The following PFKFB4 variants were observed in gnomAD, a reference collection of about 807,000 sequenced individuals.
PFKFB4 encodes 6-phosphofructo-2-kinase/fructose-2,6-biphosphatase 4.
A neutral mutation model predicts 62.8 loss-of-function variants in PFKFB4; 42 were observed. That is an observed-to-expected ratio of 0.67 (90% CI 0.52 to 0.86). PFKFB4 has a LOEUF of 0.86. Among genes scored for constraint, PFKFB4 ranks in the 40% least tolerant of loss-of-function variants. PFKFB4 has a pLI of 0.00. For missense variants in PFKFB4, 475 were observed against 627.2 expected (o/e 0.76, Z 2.59); for synonymous variants, 204 against 240.7 (o/e 0.85, Z 1.41).
chr3:48,524,389 CCTT>C lies in PFKFB4; in HGVS notation c.1093-562_1093-560del, dbSNP rs534638760. On this transcript the variant is annotated intron_variant, in intron 10 of 13. Transcript: ENST00000232375. ...GTTTAGAGATTTTCATCAGTTTCAT[CCTT>C]CTGCACACAATGAGTGGTCCTTCAA... 7.9e-5 allele frequency among the ~76,000 whole-genome samples: 12 copies of C among 152,304 alleles called. No homozygotes were observed. The South Asian group carries it at 2.5e-3, about 32-fold the overall frequency.
intron 8 of PFKFB4, among the ~76,000 whole-genome samples, 188 bp from the exon 9 acceptor site, chr3:48,535,846 C>T (rs2042585688): frequency 6.6e-6 from 1 of 152,184 alleles, no homozygotes; most frequent in Non-Finnish European, 1.5e-5. Context: ...TCCTGTGCAC[C>T]CTCCCAGACC....
upstream of PFKFB4, chr3:48,559,475 A>G (rs1012622702): frequency 5.7e-5 from 26 of 456,310 alleles, no homozygotes; most frequent in East Asian, 1.6e-3. Context: ...TGCCTGCCAC[A>G]CTACAGTGGA....
rs137991047 is a variant in PFKFB4, at chr3:48,523,570, G to A, written c.1252C>T (p.His418Tyr). Residue 418 changes from histidine to tyrosine, a missense_variant, in exon 12 of 14, where the codon CAC (histidine) becomes TAC (tyrosine). By Grantham distance (83) the His-to-Tyr change is moderately conservative. Transcript: ENST00000232375. ...ACAGGAGTCAGCTTCAGGACTGTGT[G>A]CAGCGGACACTTGAGGTAGGGCAGC... ...EQLPYLKCPL[H>Y]TVLKLTPVAY... The A allele has an allele frequency of 2.0e-5, 33 of 1,614,140 alleles. No individual in the cohort carries two copies. The highest frequency in any genetic ancestry group is 2.0e-4 in the African/African-American group (15 of 75,050).
At chr3:48,563,089 C>T (rs757089177), upstream of PFKFB4, 1 of 1,611,612 alleles carries the variant, frequency 6.2e-7, no homozygotes, top group Non-Finnish European at 8.5e-7. This position sits in a 1 kb window ranked among gnomAD's most constrained non-coding sequence, Gnocchi z 4.5. Flanking sequence ...TGCCCAACAT[C>T]AGGACCATCA....
chr3:48,529,622 C>T (rs751438829), intron 9 of PFKFB4, among the ~76,000 whole-genome samples: 1 of 152,072 alleles, frequency 6.6e-6, no homozygotes, highest in Non-Finnish European at 1.5e-5. Flanking sequence ...ATAACCCCCA[C>T]CAAGCACAAA....
intron 1 of PFKFB4, among the ~76,000 whole-genome samples, chr3:48,555,890 T>C (rs368595848): frequency 1.7e-4 from 26 of 151,370 alleles, no homozygotes; most frequent in African/African-American, 6.1e-4. Flanking sequence ...CTTGGGCCAC[T>C]GAGCGAGACT....
intron 10 of PFKFB4, 32 bp downstream of exon 10, chr3:48,525,533 G>A: frequency 8.0e-7 from 1 of 1,243,144 alleles, no homozygotes; most frequent in Non-Finnish European, 1.1e-6. Context: ...CGGGCAGTAG[G>A]TGGCTGGGAC....
At chr3:48,551,219 T>TC (rs2043136566) in intron 1 of PFKFB4, among the ~76,000 whole-genome samples, 1 of 149,928 alleles carries the variant, frequency 6.7e-6, no homozygotes, top group African/African-American at 2.4e-5. Flanking sequence ...CTTTTCTTTT[T>TC]TTTTTTTTTT....
At position 48,535,807 on chromosome 3, in the gene PFKFB4, A is replaced by G. The variant is rs1025189546; in HGVS notation, c.841-149T>C. On this transcript the variant is annotated intron_variant, in intron 8 of 13. Coordinates refer to ENST00000232375, the MANE Select transcript of PFKFB4 (RefSeq NM_004567.4). ...ATGAACTAACTTGTCGATGACACAC[A>G]TGCTGACACACAAGAACACAAGTGC... 4.6e-6 allele frequency: 4 copies of G among 873,664 alleles called. No homozygotes were observed. The African/African-American group carries it at 5.0e-5, about 11-fold the overall frequency. 54.1% of individuals were successfully genotyped at this position (873,664 alleles called of 1,614,324 possible). A position where few individuals can be genotyped will look rare whatever the true frequency, so the allele number is the denominator to read the frequency against.
At chr3:48,522,694 A>G (rs2042133588) in intron 12 of PFKFB4, among the ~76,000 whole-genome samples, 2 of 152,108 alleles carry the variant, frequency 1.3e-5, no homozygotes, top group Non-Finnish European at 2.9e-5. Flanking sequence ...CCCCTCATGC[A>G]GGTAGGCAAT....
At position 48,541,992 on chromosome 3, in the gene PFKFB4, T is replaced by C. The variant is rs572362107; in HGVS notation, c.378+1588A>G. ...GAAATAAAAAACAACAACACTCATA[T>C]ACTTGTAAGATAATGTTGAAGAAGT... On this transcript the variant is annotated intron_variant, in intron 4 of 13. Coordinates refer to ENST00000232375, the MANE Select transcript of PFKFB4 (RefSeq NM_004567.4). Among the ~76,000 whole-genome samples, 4 of 152,112 alleles carry C rather than the reference T, an allele frequency of 2.6e-5. No homozygotes were observed. The South Asian group carries it at 8.3e-4, about 32-fold the overall frequency.
chr3:48,543,619 G>A lies in PFKFB4; in HGVS notation c.339C>T (p.Asp113=), dbSNP rs376752374. The stretch of plus-strand genomic sequence containing the variant: ...CCTCCTCACTAAGGAACCGCCGGAC[G>A]TCACGGAGGGCTGCCAGGGCACACT... The part of the protein sequence containing the change: ...RKQCALAALR[D]VRRFLSEEGG... The change falls in exon 4 of 14, where the codon GAC becomes GAT. Residue 113 remains aspartate, a synonymous_variant. Transcript: ENST00000232375. 3.3e-5 allele frequency: 54 copies of A among 1,612,136 alleles called. No individual in the cohort carries two copies. Among genetic ancestry groups the A allele is most frequent in the East Asian group, 6.7e-5 (3 of 44,858 alleles).
intron 4 of PFKFB4, among the ~76,000 whole-genome samples, chr3:48,541,688 G>A (rs1016334192): frequency 4.6e-5 from 7 of 152,210 alleles, no homozygotes; most frequent in South Asian, 2.1e-4. Context: ...AATTTGGGCC[G>A]GGTGCAGTGG....
At chr3:48,524,769 G>T (rs1485961656) in intron 10 of PFKFB4, among the ~76,000 whole-genome samples, 1 of 152,202 alleles carries the variant, frequency 6.6e-6, no homozygotes, top group East Asian at 1.9e-4. Flanking sequence ...ATATATATGT[G>T]TACATATGTG....
chr3:48,524,544 G>A (rs1203070141), intron 10 of PFKFB4, among the ~76,000 whole-genome samples: 1 of 152,232 alleles, frequency 6.6e-6, no homozygotes, highest in African/African-American at 2.4e-5. Flanking sequence ...TTGGTAACAT[G>A]AATTTCTCAA....
chr3:48,544,578 C>T (rs1465392792), intron 3 of PFKFB4, among the ~76,000 whole-genome samples: 1 of 151,576 alleles, frequency 6.6e-6, no homozygotes, highest in African/African-American at 2.4e-5. Context: ...TCCAGAGTAG[C>T]TGAAACTACA....
chr3:48,552,834 G>A (rs935561805), intron 1 of PFKFB4, among the ~76,000 whole-genome samples: 3 of 152,100 alleles, frequency 2.0e-5, no homozygotes, highest in Admixed American at 6.5e-5. Flanking sequence ...TTCCCTTCCC[G>A]CCTTCCACCC....
At position 48,556,648 on chromosome 3, in the gene PFKFB4, C is replaced by T. The variant is rs748931416; in HGVS notation, c.97+33G>A. The stretch of plus-strand genomic sequence containing the variant: ...CGCCCTACCCACCCATCCCGGTGCA[C>T]CTCCCACCTCCTCCCAGAGGACCCC... On this transcript the variant is annotated intron_variant, in intron 1 of 13. Coordinates refer to ENST00000232375, the MANE Select transcript of PFKFB4 (RefSeq NM_004567.4). This position sits in a 1 kb window ranked among gnomAD's most constrained non-coding sequence, Gnocchi z 5.7. 4 of 1,603,128 alleles carry T rather than the reference C, an allele frequency of 2.5e-6. No homozygotes were observed. The highest frequency in any genetic ancestry group is 2.2e-5 in the South Asian group (2 of 90,512).
chr3:48,561,163 G>A (rs1460387669), upstream of PFKFB4: 1 of 1,106,664 alleles, frequency 9.0e-7, no homozygotes, highest in Non-Finnish European at 1.2e-6. The surrounding 1 kb of genome is among the most constrained non-coding windows in gnomAD (Gnocchi z 5.2). Flanking sequence ...GCTCCAGAGT[G>A]GGGTAACCCC....
Sources: gnomAD v4.1 joint callset for allele counts (sites outside exome capture counted in the v4.1 genomes callset) on GRCh38, gnomAD v4.1.1 for gene constraint, Gnocchi (gnomAD v3.1) non-coding constraint, MANE v1.5 for transcripts, NCBI Gene and HGNC (gene_info 2026-07-23, HGNC 2026-07-21) for gene names.